TARS3: variants seen among roughly 807,000 people sequenced by gnomAD.
TARS3 encodes threonyl-tRNA synthetase 3.
In TARS3, 94 loss-of-function variants were observed where a neutral mutation model predicts 103.5. The ratio of observed to expected loss-of-function variants is 0.91; its 90% confidence interval spans 0.77 to 1.08. TARS3 has a LOEUF of 1.08. Ranked by LOEUF, TARS3 falls within the 50% of genes least tolerant of loss-of-function variation. TARS3 has a pLI of 0.00. For synonymous variants in TARS3, 416 were observed against 355.4 expected (o/e 1.17, Z -1.92); for missense variants, 952 against 995.2 (o/e 0.96, Z 0.58).
chr15:101,674,760 G>A (rs1897954097), intron 13 of TARS3, among the ~76,000 whole-genome samples: 1 of 151,098 alleles, frequency 6.6e-6, no homozygotes, highest in Non-Finnish European at 1.5e-5. Flanking sequence ...AGCTGAGATC[G>A]CGCCACTGCA....
intron 2 of TARS3, among the ~76,000 whole-genome samples, chr15:101,721,696 T>C (rs1378177919): frequency 6.6e-6 from 1 of 152,186 alleles, no homozygotes; most frequent in African/African-American, 2.4e-5. Context: ...GGTTTCGCCA[T>C]GTTGGCCAGG....
chr15:101,704,853 T>C (rs1032655676), intron 7 of TARS3, among the ~76,000 whole-genome samples: 2 of 151,184 alleles, frequency 1.3e-5, no homozygotes, highest in African/African-American at 2.4e-5. Context: ...TTTTCATTTA[T>C]TTTTAAGCTT....
chr15:101,698,065 G>A (rs971658909), intron 10 of TARS3, among the ~76,000 whole-genome samples: 2 of 152,162 alleles, frequency 1.3e-5, no homozygotes, highest in Non-Finnish European at 2.9e-5. Flanking sequence ...GGCCGGGCGC[G>A]GTGACTCACG....
chr15:101,685,596 G>A (rs577531099), intron 11 of TARS3, among the ~76,000 whole-genome samples: 8 of 152,192 alleles, frequency 5.3e-5, no homozygotes, highest in African/African-American at 1.9e-4. Flanking sequence ...ATGAACATGT[G>A]AAGTGCATTA....
chr15:101,700,092 T>C (rs1899185290), intron 10 of TARS3, among the ~76,000 whole-genome samples: 9 of 152,190 alleles, frequency 5.9e-5, no homozygotes. Context: ...CAAGGAGATT[T>C]GTAGTTTTTG....
chr15:101,714,756 G>T, intron 4 of TARS3, 84 bp downstream of exon 4: 3 of 1,277,898 alleles, frequency 2.3e-6, no homozygotes, highest in Non-Finnish European at 3.1e-6. Flanking sequence ...CTCAACATTC[G>T]TGACTTCAAT....
chr15:101,673,683 G>T (rs561781756), intron 13 of TARS3, among the ~76,000 whole-genome samples: 63 of 152,154 alleles, frequency 4.1e-4, no homozygotes, highest in Non-Finnish European at 7.9e-4. Flanking sequence ...GGTAAACTGA[G>T]TCTGCATCCT....
At chr15:101,705,563 G>A (rs775843360) in intron 7 of TARS3, 120 bp downstream of exon 7, 161 of 753,856 alleles carry the variant, frequency 2.1e-4, no homozygotes, top group Non-Finnish European at 3.3e-4. Context: ...TTGTAACTAC[G>A]GTAGATTATC....
chr15:101,683,409 T>C (rs1337754363), intron 12 of TARS3, among the ~76,000 whole-genome samples: 1 of 152,246 alleles, frequency 6.6e-6, no homozygotes, highest in Non-Finnish European at 1.5e-5. Flanking sequence ...TTAAACATTT[T>C]ATTTTAATTG....
chr15:101,673,255 A>G (rs1413010130), intron 13 of TARS3, among the ~76,000 whole-genome samples: 1 of 152,216 alleles, frequency 6.6e-6, no homozygotes, highest in Non-Finnish European at 1.5e-5. Flanking sequence ...AGAAAGGAGC[A>G]AAAATGCTGG....
At chr15:101,668,693 G>C (rs993341953) in intron 15 of TARS3, among the ~76,000 whole-genome samples, 1 of 151,818 alleles carries the variant, frequency 6.6e-6, no homozygotes, top group East Asian at 1.9e-4. Flanking sequence ...AGCTGTGCCT[G>C]TATATATATA....
chr15:101,683,263 A>T (rs1462193094), intron 12 of TARS3, among the ~76,000 whole-genome samples: 1 of 152,154 alleles, frequency 6.6e-6, no homozygotes, highest in Non-Finnish European at 1.5e-5. Flanking sequence ...CTACCACTTA[A>T]ATCGCATCCT....
intron 10 of TARS3, among the ~76,000 whole-genome samples, chr15:101,695,562 C>T (rs1898932136): frequency 6.6e-6 from 1 of 152,166 alleles, no homozygotes; most frequent in Non-Finnish European, 1.5e-5. Context: ...CATCCAAATA[C>T]AAGTCTCAGT....
rs372041093 is a variant in TARS3 at position 101,705,728 on chromosome 15, C to T, written c.950G>A (p.Arg317His). 1.8e-5 allele frequency: 29 copies of T among 1,609,638 alleles called. No individual in the cohort carries two copies. The highest frequency in any genetic ancestry group is 9.4e-5 in the African/African-American group (7 of 74,830). Reference protein sequence around the residue: ...EMFKYNKFKCRILNEKVNTAT... With the variant: ...EMFKYNKFKCHILNEKVNTAT... Reference sequence around the variant, plus strand: ...AGTGTTAACTTTCTCATTCAGAATGCGGCATTTAAATTTATTGTACTACGA... The same window carrying T: ...AGTGTTAACTTTCTCATTCAGAATGTGGCATTTAAATTTATTGTACTACGA... Residue 317 changes from arginine to histidine, a missense_variant, in exon 7 of 19, where the codon CGC becomes CAC. Coordinates refer to ENST00000335968, the MANE Select transcript of TARS3 (RefSeq NM_152334.3).
chr15:101,716,141 C>T (rs564176020), intron 3 of TARS3, among the ~76,000 whole-genome samples: 1 of 152,100 alleles, frequency 6.6e-6, no homozygotes, highest in East Asian at 1.9e-4. Context: ...CTCGGCCTCC[C>T]GAGTAGCTGG....
intron 2 of TARS3, among the ~76,000 whole-genome samples, chr15:101,722,886 TAG>T (rs1192796121): frequency 6.6e-6 from 1 of 151,934 alleles, no homozygotes; most frequent in Non-Finnish European, 1.5e-5. Flanking sequence ...ACAACTTAAA[TAG>T]ATTAAATACA....
intron 10 of TARS3, among the ~76,000 whole-genome samples, chr15:101,694,012 G>T (rs535943820): frequency 6.6e-6 from 1 of 151,916 alleles, no homozygotes; most frequent in South Asian, 2.1e-4. Flanking sequence ...TTTACTGCAT[G>T]ACAATTAAAA....
rs931103854 is a variant in TARS3, at chr15:101,654,657, A to C, written c.2334T>G (p.Ile778Met). 4.3e-6 allele frequency: 7 copies of C among 1,614,030 alleles called. No homozygotes were observed. The highest frequency in any genetic ancestry group is 5.9e-6 in the Non-Finnish European group (7 of 1,180,008). Reference protein sequence around the residue: ...RTRDNKIHGEILVTSAIDKLK... With the variant: ...RTRDNKIHGEMLVTSAIDKLK... ...GTTTATCAATGGCAGAAGTTACTAAAATCTCTCCATGAATTTTGTTGTCTC... is the reference window on the plus strand; with the variant it reads ...GTTTATCAATGGCAGAAGTTACTAACATCTCTCCATGAATTTTGTTGTCTC... The change falls in exon 19 of 19, where the codon ATT becomes ATG. Residue 778 changes from isoleucine to methionine, a missense_variant. Physicochemically the swap from Ile to Met is conservative, Grantham distance 10 (BLOSUM62 1). This residue lies in a region of TARS3 where 540 missense variants were observed against 631.0 expected (regional missense o/e 0.86). Transcript: ENST00000335968.
Position 101,708,245 on chromosome 15 carries a change from G to C in TARS3, c.930+548C>G, listed in dbSNP as rs566032340. On this transcript the variant is annotated intron_variant, in intron 6 of 18. Coordinates refer to ENST00000335968, the MANE Select transcript of TARS3 (RefSeq NM_152334.3). ...TGCACTCTAGCCTGGGAGGCAAAGAGAGACTCTGTCTGAAAAAAAAAAAAA... is the reference window on the plus strand; with the variant it reads ...TGCACTCTAGCCTGGGAGGCAAAGACAGACTCTGTCTGAAAAAAAAAAAAA... 3.5e-3 allele frequency among the ~76,000 whole-genome samples: 326 copies of C among 94,152 alleles called. 3 individuals are homozygous for C. The highest frequency in any genetic ancestry group is 0.013 in the African/African-American group (311 of 23,552). 61.8% of individuals were successfully genotyped at this position (94,152 alleles called of 152,430 possible). A position where few individuals can be genotyped will look rare whatever the true frequency, so the allele number is the denominator to read the frequency against.
Sources: gnomAD v4.1 joint callset for allele counts (sites outside exome capture counted in the v4.1 genomes callset) on GRCh38, gnomAD v4.1.1 for gene constraint, gnomAD v4.1.1 regional missense constraint, MANE v1.5 for transcripts, NCBI Gene and HGNC (gene_info 2026-07-23, HGNC 2026-07-21) for gene names.